ACYP2: variants seen among roughly 807,000 people sequenced by gnomAD.
ACYP2 encodes the protein acylphosphatase 2.
ACYP2 carries 12 observed loss-of-function variants against 11.2 expected under a neutral mutation model. That is an observed-to-expected ratio of 1.08 (90% CI 0.69 to 1.74). The LOEUF (loss-of-function observed/expected upper bound fraction) is 1.74. Among genes scored for constraint, ACYP2 ranks in the 40% most tolerant of loss-of-function variants. The pLI is 0.00. For synonymous variants in ACYP2, 43 were observed against 32.2 expected (o/e 1.33, Z -1.13); for missense variants, 134 against 101.9 (o/e 1.31, Z -1.35).
chr2:54,216,213 A>G (rs1004807162), intron 6 of ACYP2, among the ~76,000 whole-genome samples: 1 of 152,170 alleles, frequency 6.6e-6, no homozygotes, highest in African/African-American at 2.4e-5. Flanking sequence ...AAACTTTTAT[A>G]TTTAGTTCTA....
chr2:54,073,334 C>A (rs62141002), intron 4 of ACYP2, among the ~76,000 whole-genome samples: 38,018 of 151,336 alleles, frequency 0.25, 5,391 homozygotes, highest in South Asian at 0.47. Flanking sequence ...TGAGTCCAGC[C>A]TGGGCAATGT....
intron 2 of ACYP2, among the ~76,000 whole-genome samples, chr2:53,977,594 G>A (rs943010465): frequency 1.3e-5 from 2 of 152,018 alleles, no homozygotes; most frequent in Admixed American, 6.5e-5. Context: ...AATTAGCTGG[G>A]TGTGGTGGCA....
intron 6 of ACYP2, among the ~76,000 whole-genome samples, chr2:54,259,337 A>C (rs1050294762): frequency 1.3e-5 from 2 of 152,226 alleles, no homozygotes; most frequent in African/African-American, 4.8e-5. Flanking sequence ...TGGGATAATC[A>C]GCATGCATGG....
intron 4 of ACYP2, among the ~76,000 whole-genome samples, chr2:54,079,416 G>A (rs1048720770): frequency 6.6e-6 from 1 of 152,196 alleles, no homozygotes; most frequent in African/African-American, 2.4e-5. Context: ...CATTAGTGAT[G>A]GGAGCTTCTG....
At chr2:53,993,266 T>C (rs1672394019) in intron 2 of ACYP2, among the ~76,000 whole-genome samples, 1 of 151,534 alleles carries the variant, frequency 6.6e-6, no homozygotes, top group African/African-American at 2.4e-5. Flanking sequence ...GGATCAGAAA[T>C]CAGAAGTTAT....
At chr2:54,130,748 G>T (rs1680852494) in intron 4 of ACYP2, among the ~76,000 whole-genome samples, 1 of 152,138 alleles carries the variant, frequency 6.6e-6, no homozygotes, top group African/African-American at 2.4e-5. Context: ...ACAATGCATG[G>T]GTTTGAATAT....
At chr2:54,019,478 G>A (rs371648426) in intron 2 of ACYP2, among the ~76,000 whole-genome samples, 11 of 151,708 alleles carry the variant, frequency 7.3e-5, no homozygotes, top group African/African-American at 2.7e-4. Flanking sequence ...CTGGGCTCAA[G>A]CAATCCTCCA....
chr2:54,263,977 T>C (rs115056770), intron 6 of ACYP2, among the ~76,000 whole-genome samples: 2,082 of 152,160 alleles, frequency 0.014, 49 homozygotes, highest in African/African-American at 0.048. Context: ...AGGGAGGTGA[T>C]AGATGTTTAG....
At chr2:54,197,955 T>G (rs557065142) in intron 6 of ACYP2, among the ~76,000 whole-genome samples, 1 of 29,760 alleles carries the variant, frequency 3.4e-5, no homozygotes, top group South Asian at 9.9e-4. Flanking sequence ...TTGTATTGTA[T>G]TGTATTGTAT....
chr2:54,180,688 G>C (rs1683667533), intron 6 of ACYP2, among the ~76,000 whole-genome samples: 1 of 152,022 alleles, frequency 6.6e-6, no homozygotes, highest in Non-Finnish European at 1.5e-5. Flanking sequence ...CTGAGTAGCT[G>C]GGACCACAGG....
At chr2:54,251,323 C>A (rs1029327264) in intron 6 of ACYP2, among the ~76,000 whole-genome samples, 2 of 151,752 alleles carry the variant, frequency 1.3e-5, no homozygotes, top group African/African-American at 2.4e-5. Flanking sequence ...TTTAAATTGG[C>A]CTTTTTCTGG....
chr2:54,116,722 C>T lies in ACYP2; in HGVS notation c.278-18731C>T, dbSNP rs549951253. On this transcript the variant is annotated intron_variant, in intron 4 of 6. Coordinates refer to ENST00000607452, the MANE Select transcript of ACYP2 (RefSeq NM_001320586.2). ...TACCTCTATAGAAGGGTGCGACTCG[C>T]GGATGAAGCAATGGCAACGGCACAC... Among the ~76,000 whole-genome samples the T allele has an allele frequency of 1.1e-4, 16 of 152,144 alleles. No individual in the cohort carries two copies. In the South Asian group the frequency reaches 1.9e-3, roughly 18 times the overall value.
intron 6 of ACYP2, among the ~76,000 whole-genome samples, chr2:54,153,766 A>AT (rs1682307238): frequency 6.6e-6 from 1 of 151,444 alleles, no homozygotes; most frequent in Non-Finnish European, 1.5e-5. Context: ...CACCCGGCTA[A>AT]TTTTTTGCAT....
chr2:54,226,129 C>T (rs977367210), intron 6 of ACYP2, among the ~76,000 whole-genome samples: 2 of 152,086 alleles, frequency 1.3e-5, no homozygotes, highest in Non-Finnish European at 2.9e-5. Context: ...TGCAGAAATC[C>T]CAGACTGGCA....
At chr2:54,293,722 G>A (rs1689407563) in intron 6 of ACYP2, among the ~76,000 whole-genome samples, 1 of 152,194 alleles carries the variant, frequency 6.6e-6, no homozygotes, top group African/African-American at 2.4e-5. Flanking sequence ...GGGGTGAGTA[G>A]CAGTATCATC....
At chr2:54,057,016 A>G (rs956626396) in intron 3 of ACYP2, among the ~76,000 whole-genome samples, 2 of 152,202 alleles carry the variant, frequency 1.3e-5, no homozygotes, top group Non-Finnish European at 2.9e-5. Flanking sequence ...TTGCAAAACT[A>G]TGTGAAAATT....
intron 2 of ACYP2, among the ~76,000 whole-genome samples, chr2:54,042,527 A>G (rs1675288832): frequency 6.6e-6 from 1 of 152,194 alleles, no homozygotes; most frequent in African/African-American, 2.4e-5. Flanking sequence ...AGCAAAACAC[A>G]CTGACCCAGG....
chr2:54,013,458 G>A (rs1044726439), intron 2 of ACYP2, among the ~76,000 whole-genome samples: 21 of 151,826 alleles, frequency 1.4e-4, no homozygotes, highest in African/African-American at 5.1e-4. Context: ...GCACTACCAT[G>A]CCCAGCTAAT....
chr2:54,007,138 C>CAAAA (rs70944145), intron 2 of ACYP2, among the ~76,000 whole-genome samples: 547 of 51,048 alleles, frequency 0.011, no homozygotes, highest in Non-Finnish European at 0.014. Context: ...GACTCTGTGT[C>CAAAA]AAAAAAAAAA....
Sources: gnomAD v4.1 joint callset for allele counts (sites outside exome capture counted in the v4.1 genomes callset) on GRCh38, gnomAD v4.1.1 for gene constraint, MANE v1.5 for transcripts, NCBI Gene and HGNC (gene_info 2026-07-23, HGNC 2026-07-21) for gene names.